The following MYT1 variants were observed in gnomAD, a reference collection of about 807,000 sequenced individuals.
MYT1 encodes myelin transcription factor 1.
Under a neutral mutation model 123.0 loss-of-function variants are expected in MYT1, and 23 were observed. That is an observed-to-expected ratio of 0.19 (90% CI 0.13 to 0.26). The LOEUF (loss-of-function observed/expected upper bound fraction) is 0.26. Ranked by LOEUF, MYT1 falls within the 10% of genes least tolerant of loss-of-function variation. The pLI is 1.00. For synonymous variants in MYT1, 518 were observed against 575.3 expected (o/e 0.90, Z 1.43); for missense variants, 1,125 against 1,472.5 (o/e 0.76, Z 3.86).
chr20:64,165,758 G>A (rs1166815441), intron 1 of MYT1, among the ~76,000 whole-genome samples: 1 of 152,222 alleles, frequency 6.6e-6, no homozygotes, highest in Non-Finnish European at 1.5e-5. Context: ...ACTCTGTCAC[G>A]ATGATGATAA....
intron 1 of MYT1, among the ~76,000 whole-genome samples, chr20:64,173,460 C>T (rs1982350475): frequency 6.7e-6 from 1 of 150,066 alleles, no homozygotes; most frequent in Non-Finnish European, 1.5e-5. Flanking sequence ...CATTTCCCCT[C>T]CCTGACTTCT....
At chr20:64,236,363 C>T (rs879140157) in intron 19 of MYT1, among the ~76,000 whole-genome samples, 192 bp from the exon 20 acceptor site, 41 of 74,980 alleles carry the variant, frequency 5.5e-4, no homozygotes, top group East Asian at 1.6e-3. Flanking sequence ...GGGATGGCCG[C>T]GGTGGGTGAC....
intron 4 of MYT1, among the ~76,000 whole-genome samples, chr20:64,201,967 G>A (rs1224764192): frequency 6.7e-6 from 1 of 148,266 alleles, no homozygotes; most frequent in Non-Finnish European, 1.5e-5. Flanking sequence ...GGGAACCCCC[G>A]CGTGTCGGGA....
chr20:64,172,083 A>C (rs1982300981), intron 1 of MYT1, among the ~76,000 whole-genome samples: 1 of 152,128 alleles, frequency 6.6e-6, no homozygotes. Flanking sequence ...GTGTGGGTAA[A>C]GCGTTTGTGT....
At chr20:64,223,054 G>A in intron 14 of MYT1, 57 bp from the exon 15 acceptor site, 1 of 1,604,006 alleles carries the variant, frequency 6.2e-7, no homozygotes, top group African/African-American at 1.3e-5. Context: ...AGCAGGCTCA[G>A]CCTGGGGGGC....
intron 18 of MYT1, among the ~76,000 whole-genome samples, chr20:64,230,236 G>C (rs1233651133): frequency 6.6e-6 from 1 of 152,232 alleles, no homozygotes; most frequent in African/African-American, 2.4e-5. Flanking sequence ...ATTTGGGCCG[G>C]GCACTGTGGC....
At position 64,232,505 on chromosome 20, in the gene MYT1, A is replaced by T; in HGVS notation, c.2897+120A>T. The T allele has an allele frequency of 1.0e-6, 1 of 999,458 alleles. No homozygotes were observed. Among genetic ancestry groups the T allele is most frequent in the Non-Finnish European group, 1.5e-6 (1 of 667,566 alleles). The allele number at this position is 999,458 out of a possible 1,614,324, so 61.9% of individuals were successfully genotyped here. A position where few individuals can be genotyped will look rare whatever the true frequency, so the allele number is the denominator to read the frequency against. ...GGCTCCGTGTGACCAGAGTTGCTCA[A>T]GGGAAAGGCCAGGCCACATGGGTAG... On this transcript the variant is annotated intron_variant, in intron 19 of 22. Coordinates refer to ENST00000328439, the MANE Select transcript of MYT1 (RefSeq NM_004535.3). This position sits in a 1 kb window ranked among gnomAD's most constrained non-coding sequence, Gnocchi z 6.9.
Position 64,240,176 on chromosome 20 carries a change from G to A in MYT1, c.3238-144G>A. 2.5e-6 allele frequency: 3 copies of A among 1,222,660 alleles called. No homozygotes were observed. The South Asian group carries it at 4.5e-5, about 18-fold the overall frequency. 75.7% of individuals were successfully genotyped at this position (1,222,660 alleles called of 1,614,324 possible). ...AGAGGCTACTGCTGGGATGGCTGCA[G>A]AGAGGAACGCCCAGTGCTGCCTCTG... is the stretch of plus-strand genomic sequence containing the variant. On this transcript the variant is annotated intron_variant, in intron 22 of 22. Transcript: ENST00000328439.
At chr20:64,238,976 C>T (rs1444057609) in intron 21 of MYT1, among the ~76,000 whole-genome samples, 1 of 152,208 alleles carries the variant, frequency 6.6e-6, no homozygotes, top group East Asian at 1.9e-4. Context: ...CACCAGGTGG[C>T]AGAAGAAGCG....
At position 64,167,815 on chromosome 20, in the gene MYT1, G is replaced by A. The variant is rs992506193; in HGVS notation, c.-99+3076G>A. 2.6e-5 allele frequency among the ~76,000 whole-genome samples: 4 copies of A among 152,230 alleles called. No homozygotes were observed. The highest frequency in any genetic ancestry group is 4.4e-5 in the Non-Finnish European group (3 of 68,056). On this transcript the variant is annotated intron_variant, in intron 1 of 22. Transcript: ENST00000328439. The surrounding 1 kb of genome is among the most constrained non-coding windows in gnomAD (Gnocchi z 6.3). Reference sequence around the variant, plus strand: ...CTCATGAATAAACCAGAAGTTAGTTGTCTACAGATGTAATTTTAACAGGAA... The same window carrying A: ...CTCATGAATAAACCAGAAGTTAGTTATCTACAGATGTAATTTTAACAGGAA...
rs968424932 is a variant in MYT1, at chr20:64,196,268, G to T, written c.1-2594G>T. 6.6e-6 allele frequency among the ~76,000 whole-genome samples: 1 copy of T among 152,198 alleles called. No homozygotes were observed. On this transcript the variant is annotated intron_variant, in intron 2 of 22. Transcript: ENST00000328439. The surrounding 1 kb of genome is among the most constrained non-coding windows in gnomAD (Gnocchi z 4.3). ...TGTCATTGTGTGGTGGGGGCAGAAG[G>T]TCTGGGGGGCTGCCGTCCAGGGATC...
intron 12 of MYT1, 104 bp from the exon 13 acceptor site, chr20:64,219,609 A>C: frequency 9.8e-7 from 1 of 1,020,182 alleles, no homozygotes. Flanking sequence ...GCTTCCTTCT[A>C]TGGGAACCAG....
At chr20:64,201,055 G>A (rs543555763) in intron 4 of MYT1, among the ~76,000 whole-genome samples, 12 of 152,332 alleles carry the variant, frequency 7.9e-5, no homozygotes, top group South Asian at 6.2e-4. Context: ...ACGTGGAGTC[G>A]CCCAGGGACA....
intron 18 of MYT1, among the ~76,000 whole-genome samples, chr20:64,229,754 A>G (rs1055251110): frequency 6.6e-6 from 1 of 152,174 alleles, no homozygotes. Flanking sequence ...CCTTTTTATG[A>G]TATCTCCTGC....
intron 7 of MYT1, among the ~76,000 whole-genome samples, chr20:64,210,533 C>G (rs34280914): frequency 0.13 from 19,703 of 152,214 alleles, 1,345 homozygotes; most frequent in South Asian, 0.17. Flanking sequence ...GGAGCCCCCT[C>G]CTGGGACCCT....
chr20:64,195,675 C>A (rs541357000), intron 2 of MYT1, among the ~76,000 whole-genome samples: 1 of 152,062 alleles, frequency 6.6e-6, no homozygotes, highest in African/African-American at 2.4e-5. Flanking sequence ...GGATTACAGA[C>A]GTGAGCCACC....
At chr20:64,205,519 C>T in intron 5 of MYT1, 34 bp from the exon 6 acceptor site, 2 of 1,610,118 alleles carry the variant, frequency 1.2e-6, no homozygotes, top group Non-Finnish European at 1.7e-6. Flanking sequence ...TGGCCCTAGC[C>T]TGGTCCTCTC....
intron 1 of MYT1, among the ~76,000 whole-genome samples, chr20:64,179,003 A>G (rs926230992): frequency 7.0e-6 from 1 of 143,444 alleles, no homozygotes; most frequent in South Asian, 2.3e-4. Flanking sequence ...ACGTGGGAGC[A>G]CTGAGCCGTT....
rs1312659495 is a variant in MYT1, at chr20:64,201,951, C to T, written c.86+2029C>T. 8.6e-4 allele frequency among the ~76,000 whole-genome samples: 98 copies of T among 114,012 alleles called. 1 individual carries two copies. Among genetic ancestry groups the T allele is most frequent in the East Asian group, 4.8e-3 (20 of 4,160 alleles). 74.8% of individuals were successfully genotyped at this position (114,012 alleles called of 152,430 possible). Reference sequence around the variant, plus strand: ...AACCCCCGCGTGTCGGGAACCTCTGCGTGTCGGGAACCCCCGCGTGTCGGG... The same window carrying T: ...AACCCCCGCGTGTCGGGAACCTCTGTGTGTCGGGAACCCCCGCGTGTCGGG... On this transcript the variant is annotated intron_variant, in intron 4 of 22. Transcript: ENST00000328439.
Sources: allele counts gnomAD v4.1 joint callset (sites outside exome capture counted in the v4.1 genomes callset), GRCh38; gene constraint gnomAD v4.1.1; non-coding constraint Gnocchi (gnomAD v3.1); transcripts MANE v1.5; gene names NCBI Gene and HGNC (gene_info 2026-07-23, HGNC 2026-07-21).